CCDC7: variants seen among roughly 807,000 people sequenced by gnomAD.
CCDC7 encodes coiled-coil domain containing 7, also known as coiled-coil domain-containing protein 7.
A neutral mutation model predicts 196.9 loss-of-function variants in CCDC7; 183 were observed. The ratio of observed to expected loss-of-function variants is 0.93; its 90% CI spans 0.82 to 1.05. The LOEUF is 1.05. Ranked by LOEUF, CCDC7 falls within the 50% of genes least tolerant of loss-of-function variation. CCDC7 has a pLI of 0.00. For missense variants in CCDC7, 1,540 were observed against 1,482.2 expected (o/e 1.04, Z -0.64); for synonymous variants, 525 against 484.6 (o/e 1.08, Z -1.10).
intron 29 of CCDC7, among the ~76,000 whole-genome samples, chr10:32,779,505 T>C (rs953110391): frequency 3.3e-5 from 5 of 152,206 alleles, no homozygotes; most frequent in South Asian, 2.1e-4. Context: ...GTGCTTATTA[T>C]TAAATTTGCA....
exon 15 of CCDC7, chr10:32,567,750 A>C (rs1410481127): frequency 6.2e-7 from 1 of 1,613,714 alleles, no homozygotes; most frequent in South Asian, 1.1e-5. Flanking sequence ...AAACTGAGAC[A>C]ACAATGCAAG....
At chr10:32,834,000 T>G (rs528312990) in intron 32 of CCDC7, among the ~76,000 whole-genome samples, 1 of 152,244 alleles carries the variant, frequency 6.6e-6, no homozygotes, top group Admixed American at 6.6e-5. Context: ...TATTTGATTT[T>G]TAATATGAAT....
At chr10:32,550,052 A>T (rs1053377460) in intron 13 of CCDC7, among the ~76,000 whole-genome samples, 2 of 151,770 alleles carry the variant, frequency 1.3e-5, no homozygotes, top group Non-Finnish European at 2.9e-5. Flanking sequence ...TGAGCATGGG[A>T]TGTGTTTCCA....
upstream of CCDC7, among the ~76,000 whole-genome samples, chr10:32,449,170 T>C (rs1048338537): frequency 4.6e-5 from 7 of 152,132 alleles, no homozygotes; most frequent in African/African-American, 1.4e-4. Flanking sequence ...AAAACATGTT[T>C]TTTAGTTTAT....
rs372621720 is a variant in CCDC7, at chr10:32,558,897, G to A, written c.1135-6661G>A. ...TCACTCGGGAAGCGCAAGGGGTCAGGGAGTTCCCTTTCCTAGTCAAAGAAA... is the reference window on the plus strand; with the variant it reads ...TCACTCGGGAAGCGCAAGGGGTCAGAGAGTTCCCTTTCCTAGTCAAAGAAA... On this transcript the variant is annotated intron_variant, in intron 13 of 41. Coordinates refer to ENST00000639629, the Ensembl canonical transcript of CCDC7. Among the ~76,000 whole-genome samples the A allele has an allele frequency of 9.1e-4, 138 of 152,364 alleles. No individual in the cohort carries two copies. In the Middle Eastern group the frequency reaches 0.02, roughly 23 times the overall value.
At chr10:32,641,653 G>A (rs958993618) in intron 20 of CCDC7, among the ~76,000 whole-genome samples, 3 of 152,322 alleles carry the variant, frequency 2.0e-5, no homozygotes, top group African/African-American at 4.8e-5. Context: ...CTCTCAACTC[G>A]TCAAAGTCAT....
upstream of CCDC7, chr10:32,451,573 C>T: frequency 1.3e-6 from 2 of 1,511,204 alleles, no homozygotes; most frequent in Non-Finnish European, 8.8e-7. Flanking sequence ...TTCTCTGAAT[C>T]TCTTATTTTT....
At chr10:32,789,248 GA>G in intron 29 of CCDC7, among the ~76,000 whole-genome samples, 1 of 152,192 alleles carries the variant, frequency 6.6e-6, no homozygotes, top group South Asian at 2.1e-4. Context: ...ACTAGTAATT[GA>G]CCCTACATAA....
intron 9 of CCDC7, among the ~76,000 whole-genome samples, chr10:32,503,401 A>G (rs2044380870): frequency 2.0e-5 from 3 of 152,158 alleles, no homozygotes; most frequent in Admixed American, 6.6e-5. Context: ...TTATGATCAT[A>G]TGGTTTTGTC....
At chr10:32,498,845 A>G (rs1285002402) in intron 9 of CCDC7, among the ~76,000 whole-genome samples, 2 of 149,970 alleles carry the variant, frequency 1.3e-5, no homozygotes, top group East Asian at 3.9e-4. Context: ...TACCTTGGTG[A>G]ATCTGACAAT....
chr10:32,787,384 A>G (rs1330234972), intron 29 of CCDC7, among the ~76,000 whole-genome samples: 1 of 152,224 alleles, frequency 6.6e-6, no homozygotes. Flanking sequence ...CTATCTACAC[A>G]TGAAAATACC....
chr10:32,584,171 T>G (rs1346031969), intron 17 of CCDC7, 61 bp from the exon 19 acceptor site: 1 of 816,936 alleles, frequency 1.2e-6, no homozygotes, highest in Non-Finnish European at 1.7e-6. Context: ...TAAATACCAG[T>G]CTTGATATAT....
rs968294512 is a variant in CCDC7, at chr10:32,863,940, C to T, written c.4111+9451C>T. On this transcript the variant is annotated intron_variant, in intron 41 of 41. Transcript: ENST00000639629. ...CTGTGTCAAGAAAAAACCTCCCACA[C>T]TGCAAAGAAAACAATTAACAAAATG... Among the ~76,000 whole-genome samples the T allele has an allele frequency of 2.0e-5, 3 of 149,916 alleles. No homozygotes were observed. The Admixed American group carries it at 2.0e-4, about 10-fold the overall frequency.
chr10:32,461,525 G>A (rs2035610605), intron 3 of CCDC7, among the ~76,000 whole-genome samples: 1 of 151,508 alleles, frequency 6.6e-6, no homozygotes, highest in South Asian at 2.1e-4. Flanking sequence ...AAAATATTAA[G>A]TAGTATTATA....
At chr10:32,583,637 A>G (rs2058954122) in intron 17 of CCDC7, among the ~76,000 whole-genome samples, 2 of 152,118 alleles carry the variant, frequency 1.3e-5, no homozygotes, top group Non-Finnish European at 1.5e-5. Flanking sequence ...AAAAATTTTT[A>G]TACAATAAGA....
rs187035813 is a variant in CCDC7, at chr10:32,645,610, G to A, written c.2014+10452G>A. ...TTTTGGGATAGTTTGAATAGAACTG[G>A]CATTAGTTCTTCTTTAAATTTTGGT... On this transcript the variant is annotated intron_variant, in intron 20 of 41. Transcript: ENST00000639629. Among the ~76,000 whole-genome samples the A allele has an allele frequency of 3.8e-4, 57 of 150,334 alleles. No individual in the cohort carries two copies. The Admixed American group carries it at 3.8e-3, about 10-fold the overall frequency.
chr10:32,753,828 A>C (rs2076008838), intron 28 of CCDC7, among the ~76,000 whole-genome samples: 1 of 152,164 alleles, frequency 6.6e-6, no homozygotes, highest in South Asian at 2.1e-4. Context: ...AAATGTTGAA[A>C]ATTGATTGAA....
At chr10:32,665,263 A>G (rs1039780786) in intron 21 of CCDC7, among the ~76,000 whole-genome samples, 2 of 151,938 alleles carry the variant, frequency 1.3e-5, no homozygotes, top group Non-Finnish European at 2.9e-5. Context: ...GCAATAGGCT[A>G]TTTATTCCTA....
At chr10:32,812,466 C>T (rs769533353) in intron 30 of CCDC7, among the ~76,000 whole-genome samples, 64 of 151,940 alleles carry the variant, frequency 4.2e-4, no homozygotes, top group Admixed American at 2.0e-3. Context: ...AAATGGGGAA[C>T]GGAATACAGC....
Sources: allele counts gnomAD v4.1 joint callset (sites outside exome capture counted in the v4.1 genomes callset), GRCh38; gene constraint gnomAD v4.1.1; transcripts MANE v1.5; gene names NCBI Gene and HGNC (gene_info 2026-07-23, HGNC 2026-07-21).